Variants in ITIH2 observed in about 807,000 individuals in gnomAD.
ITIH2 encodes inter-alpha-trypsin inhibitor heavy chain H2.
Under a neutral mutation model 104.4 loss-of-function variants are expected in ITIH2, and 103 were observed. That is an observed-to-expected ratio of 0.99 (90% CI 0.84 to 1.16). The LOEUF is 1.16. Ranked by LOEUF, ITIH2 falls within the 50% of genes most tolerant of loss-of-function variation. ITIH2 has a pLI of 0.00. For synonymous variants in ITIH2, 436 were observed against 435.4 expected (o/e 1.00, Z -0.02); for missense variants, 1,108 against 1,162.4 (o/e 0.95, Z 0.68).
intron 11 of ITIH2, among the ~76,000 whole-genome samples, chr10:7,728,908 G>A (rs540493573): frequency 7.2e-5 from 11 of 152,304 alleles, no homozygotes; most frequent in African/African-American, 1.9e-4. Flanking sequence ...AGACTAGAAT[G>A]AGCCAGTGTT....
intron 5 of ITIH2, among the ~76,000 whole-genome samples, chr10:7,716,455 G>A (rs947889288): frequency 6.6e-6 from 1 of 152,094 alleles, no homozygotes; most frequent in African/African-American, 2.4e-5. Flanking sequence ...AACATACTCA[G>A]GCCAGGTGCA....
At position 7,727,699 on chromosome 10, in the gene ITIH2, A is replaced by G. The variant is rs752323725; in HGVS notation, c.1154-4A>G. The G allele has an allele frequency of 1.2e-6, 2 of 1,613,956 alleles. No individual in the cohort carries two copies. Among genetic ancestry groups the G allele is most frequent in the South Asian group, 1.1e-5 (1 of 91,026 alleles). ...CCCAACGTTTCATTATGCTACTTCA[A>G]CAGGCACAAACATCAACGAAGCACT... is the stretch of plus-strand genomic sequence containing the variant. On this transcript the variant is annotated splice_region_variant and splice_polypyrimidine_tract_variant and intron_variant, in intron 10 of 20. Coordinates refer to ENST00000358415, the MANE Select transcript of ITIH2 (RefSeq NM_002216.3).
In ITIH2 at chr10:7,744,868, A is replaced by G. The variant is rs1235904583; in HGVS notation, c.2486A>G (p.His829Arg). Residue 829 changes from histidine to arginine, a missense_variant, in exon 19 of 21, where the codon CAT becomes CGT. Coordinates refer to ENST00000358415, the MANE Select transcript of ITIH2 (RefSeq NM_002216.3). ...DKEMSFSVLL[H>R]RVWKKHPVNV... ...GAGATGTCCTTTTCTGTTTTACTTC[A>G]TCGTGTTTGGAAGAAGCATCCCGTC... The G allele has an allele frequency of 1.2e-6, 2 of 1,613,916 alleles. No individual in the cohort carries two copies. Among genetic ancestry groups the G allele is most frequent in the Non-Finnish European group, 1.7e-6 (2 of 1,179,938 alleles).
chr10:7,709,248 AC>A, intron 4 of ITIH2, 57 bp downstream of exon 4: 1 of 1,493,252 alleles, frequency 6.7e-7, no homozygotes, highest in Non-Finnish European at 9.3e-7. Flanking sequence ...CAGAATCAAA[AC>A]CCCTCATAGT....
chr10:7,745,829 A>G (rs1322656564), intron 19 of ITIH2, among the ~76,000 whole-genome samples: 1 of 151,118 alleles, frequency 6.6e-6, no homozygotes, highest in African/African-American at 2.4e-5. Context: ...ATCTCGGCTC[A>G]CCGCAACCGC....
intron 15 of ITIH2, among the ~76,000 whole-genome samples, chr10:7,737,694 TATATA>T (rs1835076005): frequency 1.7e-5 from 1 of 60,314 alleles, no homozygotes; most frequent in Non-Finnish European, 2.4e-5. Context: ...TATTATATTC[TATATA>T]ATATTCTATA....
chr10:7,723,579 C>T lies in ITIH2; in HGVS notation c.984+12C>T, dbSNP rs1469384582. On this transcript the variant is annotated intron_variant, in intron 9 of 20. Coordinates refer to ENST00000358415, the MANE Select transcript of ITIH2 (RefSeq NM_002216.3). ...TTAAAATGAAACAAGTAAGTACCCC[C>T]TTGTTTGCAGTGGTTGGGGGGATTC... 6.6e-7 allele frequency: 1 copy of T among 1,512,604 alleles called. No individual in the cohort carries two copies. The highest frequency in any genetic ancestry group is 9.2e-7 in the Non-Finnish European group (1 of 1,087,556). 93.7% of individuals were successfully genotyped at this position (1,512,604 alleles called of 1,614,324 possible).
intron 3 of ITIH2, among the ~76,000 whole-genome samples, 198 bp downstream of exon 3, chr10:7,707,431 C>A (rs1834758027): frequency 6.6e-6 from 1 of 152,082 alleles, no homozygotes; most frequent in African/African-American, 2.4e-5. Context: ...GAGAGGCCAC[C>A]AAGAGCTGAA....
chr10:7,712,451 G>A (rs1834805140), intron 4 of ITIH2, among the ~76,000 whole-genome samples: 1 of 152,156 alleles, frequency 6.6e-6, no homozygotes, highest in African/African-American at 2.4e-5. Flanking sequence ...ATACCCCACA[G>A]CGATGCCAAA....
chr10:7,721,689 T>C lies in ITIH2; in HGVS notation c.779T>C (p.Ile260Thr). The C allele has an allele frequency of 6.2e-7, 1 of 1,613,652 alleles. No homozygotes were observed. Among genetic ancestry groups the C allele is most frequent in the Non-Finnish European group, 8.5e-7 (1 of 1,179,626 alleles). The change falls in exon 8 of 21, where the codon ATA becomes ACA. Residue 260 changes from isoleucine to threonine, a missense_variant. Coordinates refer to ENST00000358415, the MANE Select transcript of ITIH2 (RefSeq NM_002216.3). ...AAGCCCACGGTAGCACAGCAGAGAATATGCCCTAACTGCCGGGAGACTGCG... is the reference window on the plus strand; with the variant it reads ...AAGCCCACGGTAGCACAGCAGAGAACATGCCCTAACTGCCGGGAGACTGCG... ...SFKPTVAQQR[I>T]CPNCRETAVD...
At chr10:7,715,545 G>A (rs777448193) in intron 5 of ITIH2, among the ~76,000 whole-genome samples, 22 of 152,190 alleles carry the variant, frequency 1.4e-4, no homozygotes, top group Non-Finnish European at 1.9e-4. Flanking sequence ...CTGGAGATAC[G>A]GCAGGGAACG....
chr10:7,732,239 T>C, intron 13 of ITIH2, 99 bp from the exon 14 acceptor site: 2 of 1,372,694 alleles, frequency 1.5e-6, no homozygotes, highest in Non-Finnish European at 2.0e-6. Context: ...TTCCATTTCT[T>C]TTTTATTCCC....
At chr10:7,706,096 T>G (rs977588063) in intron 2 of ITIH2, among the ~76,000 whole-genome samples, 1 of 152,192 alleles carries the variant, frequency 6.6e-6, no homozygotes, top group Non-Finnish European at 1.5e-5. Context: ...TGTGAATTTT[T>G]TACTTTCTGA....
chr10:7,714,730 G>A (rs1249883462), intron 5 of ITIH2, among the ~76,000 whole-genome samples: 1 of 152,236 alleles, frequency 6.6e-6, no homozygotes, highest in Admixed American at 6.5e-5. Flanking sequence ...GGGCTAATAC[G>A]GAAGAGAGGG....
Position 7,732,356 on chromosome 10 carries a change from T to C in ITIH2, c.1666T>C (p.Leu556=), listed in dbSNP as rs759905474. 1 of 1,614,130 alleles carries C rather than the reference T, an allele frequency of 6.2e-7. No individual in the cohort carries two copies. The highest frequency in any genetic ancestry group is 2.2e-5 in the East Asian group (1 of 44,886). The part of the protein sequence containing the change: ...TATSANTQLV[L]ETLAQMDDLQ... ...CATCTAGGCTAACACGCAGTTAGTC[T>C]TGGAGACCCTGGCCCAGATGGACGA... Residue 556 remains leucine (L), a synonymous_variant, in exon 14 of 21, where the codon TTG becomes CTG. Coordinates refer to ENST00000358415, the MANE Select transcript of ITIH2 (RefSeq NM_002216.3).
At chr10:7,716,500 T>C (rs1444057671) in intron 5 of ITIH2, among the ~76,000 whole-genome samples, 2 of 151,686 alleles carry the variant, frequency 1.3e-5, no homozygotes, top group Non-Finnish European at 2.9e-5. Flanking sequence ...CTTTCAGAAG[T>C]GGAGGCGGGT....
intron 20 of ITIH2, among the ~76,000 whole-genome samples, chr10:7,747,183 C>T (rs935839852): frequency 6.6e-6 from 1 of 152,154 alleles, no homozygotes; most frequent in Non-Finnish European, 1.5e-5. Context: ...ACGCTCATAA[C>T]GCATTCTGAG....
At position 7,703,481 on chromosome 10, in the gene ITIH2, T is replaced by C. The variant is rs774232752; in HGVS notation, c.47T>C (p.Val16Ala). 6.2e-7 allele frequency: 1 copy of C among 1,613,858 alleles called. No homozygotes were observed. Among genetic ancestry groups the C allele is most frequent in the Non-Finnish European group, 8.5e-7 (1 of 1,179,750 alleles). The change falls in exon 1 of 21, where the codon GTA becomes GCA. Residue 16 changes from valine (V) to alanine (A), a missense_variant. By Grantham distance (64) the Val-to-Ala change is moderately conservative (BLOSUM62 0). Transcript: ENST00000358415. The stretch of plus-strand genomic sequence containing the variant: ...TTCATCTGCTTCTTTCTTTCTGAAG[T>C]ATCAGGCTTCGAAATCCCCATAAAT... ...CFFICFFLSE[V>A]SGFEIPINGL...
chr10:7,711,406 T>A (rs976902307), intron 4 of ITIH2, among the ~76,000 whole-genome samples: 2 of 152,234 alleles, frequency 1.3e-5, no homozygotes, highest in Non-Finnish European at 2.9e-5. Context: ...TGCTCTGAGC[T>A]GAATCTATAA....
Sources: allele counts gnomAD v4.1 joint callset (sites outside exome capture counted in the v4.1 genomes callset), GRCh38; gene constraint gnomAD v4.1.1; transcripts MANE v1.5; gene names NCBI Gene and HGNC (gene_info 2026-07-23, HGNC 2026-07-21).